L2HGDH: variants seen among roughly 807,000 people sequenced by gnomAD.
L2HGDH encodes L-2-hydroxyglutarate dehydrogenase.
A neutral mutation model predicts 51.5 loss-of-function variants in L2HGDH; 34 were observed. The observed-to-expected ratio is 0.66, with a 90% CI of 0.50 to 0.88. The LOEUF (loss-of-function observed/expected upper bound fraction) is 0.88, where lower values mean the gene tolerates loss of function less well. L2HGDH is among the 40% of genes least tolerant of loss of function. The probability of loss-of-function intolerance (pLI) is 0.00; values close to 1 mark genes in which losing one functional copy is unlikely to be tolerated. For missense variants in L2HGDH, 558 were observed against 571.9 expected (o/e 0.98, Z 0.25); for synonymous variants, 198 against 197.9 (o/e 1.00, Z -0.01).
intron 4 of L2HGDH, among the ~76,000 whole-genome samples, chr14:50,285,457 TAC>T (rs1213609152): frequency 6.6e-6 from 1 of 152,222 alleles, no homozygotes; most frequent in East Asian, 1.9e-4. Context: ...TCTGTTTTGA[TAC>T]AGTCAGTAAA....
chr14:50,242,712 A>G lies in L2HGDH; in HGVS notation c.*4346T>C, dbSNP rs1887852654. The G allele has an allele frequency of 3.0e-6, 3 of 985,336 alleles. No individual in the cohort carries two copies. The highest frequency in any genetic ancestry group is 1.7e-5 in the African/African-American group (1 of 57,248). 61.0% of individuals were successfully genotyped at this position (985,336 alleles called of 1,614,324 possible). On this transcript the variant is annotated 3_prime_UTR_variant, in exon 10 of 10. Transcript: ENST00000267436. ...CCTTCTACCTTAAGCCCTGATGAAG[A>G]GATTTCAAAAACTCCCTTTGAGTGT...
rs1021680397 is a variant in L2HGDH at position 50,245,527 on chromosome 14, T to C, written c.*1531A>G. ...AAATATTATAATTAAGATAGAAACT[T>C]ATTCAAACTACTCAAAAATGTAAAT... On this transcript the variant is annotated 3_prime_UTR_variant, in exon 10 of 10. Coordinates refer to ENST00000267436, the MANE Select transcript of L2HGDH (RefSeq NM_024884.3). The C allele has an allele frequency of 6.2e-6, 6 of 968,430 alleles. No homozygotes were observed. The highest frequency in any genetic ancestry group is 7.4e-6 in the Non-Finnish European group (6 of 814,614). The allele number at this position is 968,430 out of a possible 1,614,324, so 60.0% of individuals were successfully genotyped here. A position where few individuals can be genotyped will look rare whatever the true frequency, so the allele number is the denominator to read the frequency against.
Position 50,302,927 on chromosome 14 carries a change from A to T in L2HGDH, c.231T>A (p.Gly77=). 1.2e-6 allele frequency: 2 copies of T among 1,613,564 alleles called. No homozygotes were observed. Among genetic ancestry groups the T allele is most frequent in the South Asian group, 2.2e-5 (2 of 91,084 alleles). ...CTAAATCTTTCTCCTTTTCCAGAAC[A>T]CCAATAGAAAGTGATGGATGTCGCA... ...LILRHPSLSI[G]VLEKEKDLAV... Residue 77 remains glycine, a synonymous_variant, in exon 2 of 10, where the codon GGT becomes GGA. Transcript: ENST00000267436.
chr14:50,302,221 T>G lies in L2HGDH; in HGVS notation c.257-53A>C, dbSNP rs1595145372. ...GTAAGTACATGATTCATACAAAACATAAGAGGTAAGAGAACAAACTTATAG... is the reference window on the plus strand; with the variant it reads ...GTAAGTACATGATTCATACAAAACAGAAGAGGTAAGAGAACAAACTTATAG... On this transcript the variant is annotated intron_variant, in intron 2 of 9. Transcript: ENST00000267436. 4.4e-6 allele frequency: 7 copies of G among 1,574,766 alleles called. No individual in the cohort carries two copies. The Admixed American group carries it at 1.0e-4, about 23-fold the overall frequency.
intron 9 of L2HGDH, among the ~76,000 whole-genome samples, chr14:50,259,255 G>A (rs1380723381): frequency 2.0e-5 from 3 of 151,360 alleles, no homozygotes; most frequent in Non-Finnish European, 4.4e-5. Flanking sequence ...AGGACTATAT[G>A]CATGAGCCAC....
intron 3 of L2HGDH, 62 bp from the exon 4 acceptor site, chr14:50,294,308 T>C: frequency 1.9e-6 from 3 of 1,549,686 alleles, no homozygotes; most frequent in Non-Finnish European, 8.8e-7. Context: ...CGATGAAAGA[T>C]AAAGTCAATG....
At chr14:50,287,683 T>G (rs1890635284) in intron 4 of L2HGDH, among the ~76,000 whole-genome samples, 1 of 149,416 alleles carries the variant, frequency 6.7e-6, no homozygotes, top group Non-Finnish European at 1.5e-5. Flanking sequence ...TATATTTTTA[T>G]TTTTTTCCTT....
At position 50,243,139 on chromosome 14, in the gene L2HGDH, C is replaced by T. The variant is rs1887864763; in HGVS notation, c.*3919G>A. 15 of 985,312 alleles carry T rather than the reference C, an allele frequency of 1.5e-5. No homozygotes were observed. Among genetic ancestry groups the T allele is most frequent in the Non-Finnish European group, 2.4e-6 (2 of 829,952 alleles). 61.0% of individuals were successfully genotyped at this position (985,312 alleles called of 1,614,324 possible). On this transcript the variant is annotated 3_prime_UTR_variant, in exon 10 of 10. Transcript: ENST00000267436. ...CCAACAGTAAAGGCAACTCCCCAAA[C>T]AGTGCTAATGCTGAGAGGATCAAGG... is the stretch of plus-strand genomic sequence containing the variant.
At position 50,278,580 on chromosome 14, in the gene L2HGDH, T is replaced by A. The variant is rs1197597067; in HGVS notation, c.704-26A>T. 2.4e-6 allele frequency: 3 copies of A among 1,265,352 alleles called. No homozygotes were observed. In the Admixed American group the frequency reaches 5.5e-5, roughly 23 times the overall value. 78.4% of individuals were successfully genotyped at this position (1,265,352 alleles called of 1,614,324 possible). A position where few individuals can be genotyped will look rare whatever the true frequency, so the allele number is the denominator to read the frequency against. On this transcript the variant is annotated intron_variant, in intron 5 of 9. Transcript: ENST00000267436. The stretch of plus-strand genomic sequence containing the variant: ...CTGAAAAAAAAGAATAAGTGAAAAA[T>A]TTATTTTTAGCAAAAGGCCAACATT...
In L2HGDH at chr14:50,245,742, C is replaced by G; in HGVS notation, c.*1316G>C. The stretch of plus-strand genomic sequence containing the variant: ...TAAAAAATTGATTTAAGGAAATAAT[C>G]TATTTTTATGCCATCTTTCTCCAAA... On this transcript the variant is annotated 3_prime_UTR_variant, in exon 10 of 10. Coordinates refer to ENST00000267436, the MANE Select transcript of L2HGDH (RefSeq NM_024884.3). 1.0e-6 allele frequency: 1 copy of G among 985,256 alleles called. No individual in the cohort carries two copies. Among genetic ancestry groups the G allele is most frequent in the Non-Finnish European group, 1.2e-6 (1 of 829,816 alleles). 61.0% of individuals were successfully genotyped at this position (985,256 alleles called of 1,614,324 possible).
chr14:50,291,369 C>A (rs1218489657), intron 4 of L2HGDH, among the ~76,000 whole-genome samples: 3 of 151,936 alleles, frequency 2.0e-5, no homozygotes, highest in Non-Finnish European at 4.4e-5. Flanking sequence ...ATAAGATGGT[C>A]AATGAAAATA....
Position 50,265,614 on chromosome 14 carries a change from A to G in L2HGDH, c.1065-125T>C, listed in dbSNP as rs969368397. On this transcript the variant is annotated intron_variant, in intron 8 of 9. Transcript: ENST00000267436. ...ATCTAGGCAAAGTCAGAAAAACTACAGATTAAAAGAAAATCAAGGCCAGGA... is the reference window on the plus strand; with the variant it reads ...ATCTAGGCAAAGTCAGAAAAACTACGGATTAAAAGAAAATCAAGGCCAGGA... The G allele has an allele frequency of 4.1e-5, 37 of 903,554 alleles. No homozygotes were observed. The Admixed American group carries it at 9.4e-4, about 23-fold the overall frequency. The allele number at this position is 903,554 out of a possible 1,614,324, so 56.0% of individuals were successfully genotyped here.
At chr14:50,289,303 A>T (rs1199266343) in intron 4 of L2HGDH, among the ~76,000 whole-genome samples, 1 of 152,212 alleles carries the variant, frequency 6.6e-6, no homozygotes, top group Non-Finnish European at 1.5e-5. Flanking sequence ...TAAACAGAAT[A>T]AAATAATAAA....
chr14:50,269,721 AT>A (rs935095701), intron 6 of L2HGDH, among the ~76,000 whole-genome samples: 1 of 151,766 alleles, frequency 6.6e-6, no homozygotes, highest in Non-Finnish European at 1.5e-5. Context: ...GCCTCCACCA[AT>A]TTTTTTTGCT....
chr14:50,277,826 A>G (rs75718994), intron 6 of L2HGDH, among the ~76,000 whole-genome samples: 2 of 135,936 alleles, frequency 1.5e-5, no homozygotes, highest in Non-Finnish European at 3.2e-5. Flanking sequence ...TAATAATAAT[A>G]ATCTGGTGGC....
At chr14:50,256,321 C>T (rs1888663708) in intron 9 of L2HGDH, among the ~76,000 whole-genome samples, 1 of 150,424 alleles carries the variant, frequency 6.6e-6, no homozygotes, top group South Asian at 2.1e-4. Flanking sequence ...TCCAAACCAG[C>T]TTGGACAATA....
At chr14:50,294,897 G>C (rs1373797655) in intron 3 of L2HGDH, among the ~76,000 whole-genome samples, 1 of 152,014 alleles carries the variant, frequency 6.6e-6, no homozygotes, top group African/African-American at 2.4e-5. Flanking sequence ...CATATTCGAA[G>C]GTATATTAGA....
chr14:50,285,247 T>C (rs945621353), intron 4 of L2HGDH, among the ~76,000 whole-genome samples: 1 of 152,062 alleles, frequency 6.6e-6, no homozygotes, highest in Non-Finnish European at 1.5e-5. Context: ...ACTTCGTCTT[T>C]AAAAAAAGAT....
chr14:50,243,366 T>C lies in L2HGDH; in HGVS notation c.*3692A>G. 2 of 984,370 alleles carry C rather than the reference T, an allele frequency of 2.0e-6. No homozygotes were observed. Among genetic ancestry groups the C allele is most frequent in the Non-Finnish European group, 2.4e-6 (2 of 829,040 alleles). 61.0% of individuals were successfully genotyped at this position (984,370 alleles called of 1,614,324 possible). On this transcript the variant is annotated 3_prime_UTR_variant, in exon 10 of 10. Transcript: ENST00000267436. ...TATACTAACACAGAAATGAGTTTTT[T>C]AAAAAGGTTGGCTGCTATCTATCTA...
Sources: gnomAD v4.1 joint callset for allele counts (sites outside exome capture counted in the v4.1 genomes callset) on GRCh38, gnomAD v4.1.1 for gene constraint, MANE v1.5 for transcripts, NCBI Gene and HGNC (gene_info 2026-07-23, HGNC 2026-07-21) for gene names.